Variants in EMCN observed in about 807,000 individuals in gnomAD.
EMCN encodes MUC-14.
EMCN carries 37 observed loss-of-function variants against 38.4 expected under a neutral mutation model. The ratio of observed to expected loss-of-function variants is 0.96; its 90% confidence interval spans 0.74 to 1.27. The LOEUF (loss-of-function observed/expected upper bound fraction) is 1.27. Ranked by LOEUF, EMCN falls within the 50% of genes most tolerant of loss-of-function variation. The pLI is 0.00. For missense variants in EMCN, 318 were observed against 302.8 expected, an observed-to-expected ratio of 1.05 and a Z score of -0.37; for synonymous variants, 95 against 100.8, an observed-to-expected ratio of 0.94 and a Z score of 0.35.
chr4:100,415,141 C>T (rs893172910), intron 10 of EMCN, among the ~76,000 whole-genome samples: 1 of 152,202 alleles, frequency 6.6e-6, no homozygotes, highest in Non-Finnish European at 1.5e-5. Context: ...AGGTGATCTG[C>T]CCGCCTCAGC....
In EMCN at chr4:100,491,633, A is replaced by G. The variant is rs536750694; in HGVS notation, c.65-11594T>C. The stretch of plus-strand genomic sequence containing the variant: ...TTCAGCAACCCTGTCCAACTCTTAA[A>G]ATAAAATAGTGGTACCACTTGACCA... On this transcript the variant is annotated intron_variant, in intron 1 of 11. Transcript: ENST00000296420. Among the ~76,000 whole-genome samples, 3 of 152,242 alleles carry G rather than the reference A, an allele frequency of 2.0e-5. No homozygotes were observed. In the East Asian group the frequency reaches 5.8e-4, roughly 29 times the overall value.
chr4:100,482,093 C>A (rs1728824177), intron 1 of EMCN, among the ~76,000 whole-genome samples: 2 of 152,050 alleles, frequency 1.3e-5, no homozygotes, highest in Non-Finnish European at 2.9e-5. Context: ...AATGCCTATG[C>A]ACAATAAATA....
chr4:100,414,810 T>C (rs1295320861), intron 10 of EMCN, among the ~76,000 whole-genome samples: 5 of 152,224 alleles, frequency 3.3e-5, no homozygotes, highest in Non-Finnish European at 7.3e-5. Context: ...ACCAGAAATA[T>C]TTATAATATA....
rs977996288 is a variant in EMCN, at chr4:100,514,015, A to G, written c.64+3836T>C. On this transcript the variant is annotated intron_variant, in intron 1 of 11. Transcript: ENST00000296420. ...AGAGTTAGATATACGGGCATCCAGA[A>G]GAAGGATAAATTGCTTCTCTATGTT... Among the ~76,000 whole-genome samples the G allele has an allele frequency of 2.0e-5, 3 of 152,232 alleles. No homozygotes were observed. The East Asian group carries it at 5.8e-4, about 29-fold the overall frequency.
intron 1 of EMCN, among the ~76,000 whole-genome samples, chr4:100,505,668 C>A (rs987959885): frequency 3.3e-5 from 5 of 152,096 alleles, no homozygotes; most frequent in African/African-American, 1.2e-4. Flanking sequence ...TTAACTATCT[C>A]CCAGACTGTG....
chr4:100,427,824 T>G (rs918802481), intron 5 of EMCN, among the ~76,000 whole-genome samples: 2 of 152,134 alleles, frequency 1.3e-5, no homozygotes, highest in African/African-American at 4.8e-5. Context: ...ATGTCCACAT[T>G]TTAACTTCCA....
At chr4:100,407,692 CTA>C (rs1189369804) in intron 11 of EMCN, among the ~76,000 whole-genome samples, 1 of 152,054 alleles carries the variant, frequency 6.6e-6, no homozygotes, top group Non-Finnish European at 1.5e-5. Context: ...GATCTGATGA[CTA>C]TGTGTCTTGG....
intron 5 of EMCN, chr4:100,446,074 G>T: frequency 1.0e-6 from 1 of 985,248 alleles, no homozygotes; most frequent in Non-Finnish European, 1.2e-6. Context: ...TCCTTAAAGA[G>T]AACTGACAAT....
intron 3 of EMCN, among the ~76,000 whole-genome samples, chr4:100,470,041 A>G (rs190007757): frequency 6.6e-6 from 1 of 152,218 alleles, no homozygotes; most frequent in East Asian, 1.9e-4. Context: ...AAATTGACAA[A>G]TGGGATTGAA....
chr4:100,464,381 G>A (rs1210796341), intron 4 of EMCN, among the ~76,000 whole-genome samples: 1 of 151,940 alleles, frequency 6.6e-6, no homozygotes, highest in African/African-American at 2.4e-5. Flanking sequence ...ATGTATCTAT[G>A]TATTATCCAT....
intron 4 of EMCN, among the ~76,000 whole-genome samples, chr4:100,448,707 T>G (rs1299930839): frequency 6.6e-6 from 1 of 152,150 alleles, no homozygotes; most frequent in South Asian, 2.1e-4. Context: ...TCAACTCATC[T>G]CCAACCATTC....
intron 5 of EMCN, among the ~76,000 whole-genome samples, chr4:100,427,346 C>A (rs1027688323): frequency 6.6e-6 from 1 of 152,040 alleles, no homozygotes; most frequent in East Asian, 1.9e-4. Flanking sequence ...GTCACAGTTC[C>A]CTGCAGCCTT....
chr4:100,412,850 G>A (rs949903319), intron 10 of EMCN, among the ~76,000 whole-genome samples: 4 of 152,104 alleles, frequency 2.6e-5, no homozygotes, highest in African/African-American at 9.7e-5. Context: ...GAGTATGGAT[G>A]GATGAACATC....
intron 8 of EMCN, 24 bp from the exon 9 acceptor site, chr4:100,417,165 T>TG: frequency 6.2e-7 from 1 of 1,613,518 alleles, no homozygotes; most frequent in Non-Finnish European, 8.5e-7. Context: ...GAGTTGTTAT[T>TG]AGAGTTGCAA....
chr4:100,438,598 T>C (rs1727420957), intron 5 of EMCN, among the ~76,000 whole-genome samples: 1 of 152,130 alleles, frequency 6.6e-6, no homozygotes, highest in Admixed American at 6.6e-5. Flanking sequence ...TGATTGCTCG[T>C]GCTAGTACTT....
At chr4:100,493,562 A>T (rs1729139291) in intron 1 of EMCN, among the ~76,000 whole-genome samples, 1 of 152,198 alleles carries the variant, frequency 6.6e-6, no homozygotes, top group Non-Finnish European at 1.5e-5. Context: ...GGATAAAATG[A>T]TTTACCCATC....
intron 1 of EMCN, among the ~76,000 whole-genome samples, chr4:100,509,980 A>G (rs1729584441): frequency 6.6e-6 from 1 of 152,216 alleles, no homozygotes; most frequent in African/African-American, 2.4e-5. Flanking sequence ...CACCAATACC[A>G]TGTCAATATG....
intron 1 of EMCN, among the ~76,000 whole-genome samples, chr4:100,500,067 T>C (rs1010597091): frequency 6.6e-6 from 1 of 152,114 alleles, no homozygotes; most frequent in African/African-American, 2.4e-5. Flanking sequence ...CCTCAAATAG[T>C]GTACAAAGAA....
chr4:100,441,754 T>A (rs1477346391), intron 5 of EMCN, among the ~76,000 whole-genome samples: 1 of 152,188 alleles, frequency 6.6e-6, no homozygotes, highest in Non-Finnish European at 1.5e-5. Flanking sequence ...TAAATTCTGT[T>A]GCATACAAAA....
Sources: gnomAD v4.1 joint callset for allele counts (sites outside exome capture counted in the v4.1 genomes callset) on GRCh38, gnomAD v4.1.1 for gene constraint, MANE v1.5 for transcripts, NCBI Gene and HGNC (gene_info 2026-07-23, HGNC 2026-07-21) for gene names.